Variants in ZNF700 observed in about 807,000 individuals in gnomAD.
ZNF700 encodes zinc finger protein 700.
A neutral mutation model predicts 65.3 loss-of-function variants in ZNF700; 38 were observed. The observed-to-expected ratio is 0.58, with a 90% CI of 0.45 to 0.76. The LOEUF is 0.76. ZNF700 is among the 30% of genes least tolerant of loss of function. The probability of loss-of-function intolerance (pLI) is 0.00; values close to 1 mark genes in which losing one functional copy is unlikely to be tolerated. For synonymous variants in ZNF700, 285 were observed against 290.4 expected (o/e 0.98, Z 0.19); for missense variants, 857 against 888.4 (o/e 0.96, Z 0.45).
chr19:11,949,384 G>A lies in ZNF700; in HGVS notation c.1360G>A (p.Ala454Thr). Residue 454 changes from alanine to threonine, a missense_variant, in exon 4 of 4, where the codon GCC becomes ACC. Coordinates refer to ENST00000254321, the MANE Select transcript of ZNF700 (RefSeq NM_144566.3). ...CTATGAATGTAAGGAATGTGGGAAA[G>A]CCTTCAGATCTACCTCACACCTTCG... ...KPYECKECGK[A>T]FRSTSHLRVH... The A allele has an allele frequency of 6.2e-7, 1 of 1,613,930 alleles. No individual in the cohort carries two copies. Among genetic ancestry groups the A allele is most frequent in the Non-Finnish European group, 8.5e-7 (1 of 1,179,926 alleles).
chr19:11,932,436 AGT>A (rs1972727904), intron 1 of ZNF700, among the ~76,000 whole-genome samples: 1 of 148,490 alleles, frequency 6.7e-6, no homozygotes, highest in African/African-American at 2.6e-5. Context: ...TTCTGTATAG[AGT>A]GTGCATTCTA....
intron 1 of ZNF700, among the ~76,000 whole-genome samples, chr19:11,939,568 C>A (rs1397702531): frequency 1.3e-5 from 2 of 152,188 alleles, no homozygotes; most frequent in African/African-American, 4.8e-5. Flanking sequence ...GGGCTCTGTT[C>A]TGTTCCATTG....
chr19:11,930,355 G>A (rs1177009443), intron 1 of ZNF700, among the ~76,000 whole-genome samples: 1 of 148,476 alleles, frequency 6.7e-6, no homozygotes, highest in East Asian at 1.9e-4. Context: ...CTGTCCTACA[G>A]GGAGGTGGTC....
rs369924090 is a variant in ZNF700 at position 11,938,432 on chromosome 19, G to A, written c.64-8749G>A. On this transcript the variant is annotated intron_variant, in intron 1 of 3. Coordinates refer to ENST00000254321, the MANE Select transcript of ZNF700 (RefSeq NM_144566.3). ...CCGGTGTGTGATGTTCCCCTCCCTGGGTCCAAGTGTTCTCATTGTTCAGTT... is the reference window on the plus strand; with the variant it reads ...CCGGTGTGTGATGTTCCCCTCCCTGAGTCCAAGTGTTCTCATTGTTCAGTT... Among the ~76,000 whole-genome samples, 12 of 151,958 alleles carry A rather than the reference G, an allele frequency of 7.9e-5. No homozygotes were observed. In the East Asian group the frequency reaches 9.7e-4, roughly 12 times the overall value.
chr19:11,937,202 G>A (rs1972809337), intron 1 of ZNF700, among the ~76,000 whole-genome samples: 1 of 152,180 alleles, frequency 6.6e-6, no homozygotes, highest in South Asian at 2.1e-4. Context: ...TAGAAGTTGT[G>A]AGTTTTGCAT....
Position 11,950,402 on chromosome 19 carries a change from G to T in ZNF700, c.*149G>T. On this transcript the variant is annotated 3_prime_UTR_variant, in exon 4 of 4. Coordinates refer to ENST00000254321, the MANE Select transcript of ZNF700 (RefSeq NM_144566.3). ...GAGAAACCCTATCAATGTAAGCAGTGTGGGAAAGCCTTCATTCCTTTTACT... is the reference window on the plus strand; with the variant it reads ...GAGAAACCCTATCAATGTAAGCAGTTTGGGAAAGCCTTCATTCCTTTTACT... The T allele has an allele frequency of 2.3e-6, 2 of 863,100 alleles. No homozygotes were observed. The highest frequency in any genetic ancestry group is 3.8e-6 in the Non-Finnish European group (2 of 526,324). The allele number at this position is 863,100 out of a possible 1,614,324, so 53.5% of individuals were successfully genotyped here.
rs1555702144 is a variant in ZNF700, at chr19:11,950,266, TA to T, written c.*14del. Reference sequence around the variant, plus strand: ...AGCATTCAGCTAGCCTGGTTCCTTTTATGGACATGAATAGACTCACACTGGA... The same window carrying T: ...AGCATTCAGCTAGCCTGGTTCCTTTTTGGACATGAATAGACTCACACTGGA... On this transcript the variant is annotated 3_prime_UTR_variant, in exon 4 of 4. Transcript: ENST00000254321. 10 of 1,600,898 alleles carry T rather than the reference TA, an allele frequency of 6.2e-6. No homozygotes were observed. The highest frequency in any genetic ancestry group is 8.5e-6 in the Non-Finnish European group (10 of 1,175,726).
chr19:11,925,645 C>G (rs765612049), intron 1 of ZNF700, among the ~76,000 whole-genome samples: 7 of 152,180 alleles, frequency 4.6e-5, no homozygotes, highest in African/African-American at 9.6e-5. Context: ...CTGTGGGGCC[C>G]CCAGTCCCCA....
Position 11,949,727 on chromosome 19 carries a change from A to G in ZNF700, c.1703A>G (p.Gln568Arg), listed in dbSNP as rs1568298685. 6.2e-7 allele frequency: 1 copy of G among 1,614,000 alleles called. No individual in the cohort carries two copies. ...HTGEKPYECK[Q>R]CGKAFRSASH... ...GGAGAGAAACCCTATGAGTGTAAGC[A>G]ATGTGGGAAAGCCTTCAGATCTGCC... The change falls in exon 4 of 4, where the codon CAA becomes CGA. Residue 568 changes from glutamine (Q) to arginine (R), a missense_variant. Gln to Arg is a conservative substitution (Grantham distance 43). Coordinates refer to ENST00000254321, the MANE Select transcript of ZNF700 (RefSeq NM_144566.3).
chr19:11,941,409 C>T (rs1452134410), intron 1 of ZNF700, among the ~76,000 whole-genome samples: 1 of 152,220 alleles, frequency 6.6e-6, no homozygotes, highest in Non-Finnish European at 1.5e-5. Context: ...GAGACTCAGG[C>T]ATGATGGGCT....
At chr19:11,928,540 G>A (rs1429385416) in intron 1 of ZNF700, among the ~76,000 whole-genome samples, 4 of 150,342 alleles carry the variant, frequency 2.7e-5, no homozygotes, top group Non-Finnish European at 3.0e-5. Context: ...AGACCATCCC[G>A]GCTAAAACGG....
intron 1 of ZNF700, among the ~76,000 whole-genome samples, chr19:11,941,180 A>C (rs1428033529): frequency 6.6e-6 from 1 of 152,238 alleles, no homozygotes; most frequent in Non-Finnish European, 1.5e-5. Context: ...TCCCTGGGCT[A>C]GACATAAAGT....
At chr19:11,941,294 C>T (rs1192739590) in intron 1 of ZNF700, among the ~76,000 whole-genome samples, 4 of 152,236 alleles carry the variant, frequency 2.6e-5, no homozygotes, top group Admixed American at 6.5e-5. Context: ...GCCATGCGCC[C>T]GCACTCCTCA....
Position 11,950,506 on chromosome 19 carries a change from G to A in ZNF700, c.*253G>A. Reference sequence around the variant, plus strand: ...TCTAGTTCCGTTTGATATCATGAAAGGACTTACACTGGAGTGAAACCCTAT... The same window carrying A: ...TCTAGTTCCGTTTGATATCATGAAAAGACTTACACTGGAGTGAAACCCTAT... On this transcript the variant is annotated 3_prime_UTR_variant, in exon 4 of 4. Transcript: ENST00000254321. 1.6e-6 allele frequency: 1 copy of A among 644,522 alleles called. No individual in the cohort carries two copies. The highest frequency in any genetic ancestry group is 2.9e-6 in the Non-Finnish European group (1 of 348,992). The allele number at this position is 644,522 out of a possible 1,614,324, so 39.9% of individuals were successfully genotyped here. A position where few individuals can be genotyped will look rare whatever the true frequency, so the allele number is the denominator to read the frequency against.
In ZNF700 at chr19:11,925,254, C is replaced by T. The variant is rs763565780; in HGVS notation, c.44C>T (p.Thr15Ile). ...AGGAGCTGTAGAGAGGACCCCGGTA[C>T]ATCTGAAAGCCGGGAAATGGTGCGT... The part of the protein sequence containing the change: ...SHRSCREDPG[T>I]SESREMDPVA... Residue 15 changes from threonine to isoleucine, a missense_variant, in exon 1 of 4, where the codon ACA becomes ATA. Physicochemically the swap from Thr to Ile is moderately conservative, Grantham distance 89 (BLOSUM62 -1). Around this residue, in one of 3 missense-constraint regions of ZNF700, gnomAD observed 603 missense variants for 619.9 expected, o/e 0.97. Transcript: ENST00000254321. The T allele has an allele frequency of 1.9e-6, 3 of 1,612,894 alleles. No homozygotes were observed. The highest frequency in any genetic ancestry group is 3.3e-5 in the Admixed American group (2 of 59,978).
chr19:11,934,973 C>A (rs1236644363), intron 1 of ZNF700, among the ~76,000 whole-genome samples: 4 of 146,718 alleles, frequency 2.7e-5, no homozygotes, highest in Admixed American at 2.0e-4. Context: ...GAGGTCAGAT[C>A]AAGACCATCC....
At chr19:11,936,361 CTT>C (rs1972795080) in intron 1 of ZNF700, among the ~76,000 whole-genome samples, 1 of 152,160 alleles carries the variant, frequency 6.6e-6, no homozygotes, top group South Asian at 2.1e-4. Context: ...TGTTTCCTGA[CTT>C]TTTAATGATT....
In ZNF700 at chr19:11,950,498, T is replaced by A; in HGVS notation, c.*245T>A. The A allele has an allele frequency of 3.2e-6, 2 of 630,656 alleles. No individual in the cohort carries two copies. Among genetic ancestry groups the A allele is most frequent in the South Asian group, 1.7e-5 (1 of 59,644 alleles). 39.1% of individuals were successfully genotyped at this position (630,656 alleles called of 1,614,324 possible). On this transcript the variant is annotated 3_prime_UTR_variant, in exon 4 of 4. Transcript: ENST00000254321. ...GAGTGTATTCTAGTTCCGTTTGATA[T>A]CATGAAAGGACTTACACTGGAGTGA...
intron 1 of ZNF700, among the ~76,000 whole-genome samples, chr19:11,930,172 TTC>T (rs1433163964): frequency 6.7e-6 from 1 of 148,448 alleles, no homozygotes; most frequent in Non-Finnish European, 1.5e-5. Flanking sequence ...GGTGCTCACC[TTC>T]TCTCTCCTAA....
Sources: allele counts gnomAD v4.1 joint callset (sites outside exome capture counted in the v4.1 genomes callset), GRCh38; gene constraint gnomAD v4.1.1; regional missense constraint gnomAD v4.1.1; transcripts MANE v1.5; gene names NCBI Gene and HGNC (gene_info 2026-07-23, HGNC 2026-07-21).